OCA2: variants seen among roughly 807,000 people sequenced by gnomAD.
OCA2 encodes the protein P protein.
A neutral mutation model predicts 100.2 loss-of-function variants in OCA2; 77 were observed. The ratio of observed to expected loss-of-function variants is 0.77; its 90% CI spans 0.64 to 0.93. The LOEUF is 0.93. Among genes scored for constraint, OCA2 ranks in the 40% least tolerant of loss-of-function variants. OCA2 has a pLI of 0.00. For missense variants in OCA2, 1,062 were observed against 1,089.1 expected, an observed-to-expected ratio of 0.98 and a Z score of 0.35; for synonymous variants, 432 against 439.2, an observed-to-expected ratio of 0.98 and a Z score of 0.21.
intron 18 of OCA2, among the ~76,000 whole-genome samples, chr15:27,949,243 G>A (rs942404378): frequency 2.0e-5 from 3 of 152,200 alleles, no homozygotes; most frequent in African/African-American, 7.2e-5. Flanking sequence ...GTCACGTAGT[G>A]TACAGTGTGT....
At chr15:27,893,287 A>G (rs1275040413) in intron 19 of OCA2, among the ~76,000 whole-genome samples, 3 of 152,218 alleles carry the variant, frequency 2.0e-5, no homozygotes, top group Non-Finnish European at 4.4e-5. Context: ...CTGAGGATGT[A>G]CGTCACCTCA....
intron 23 of OCA2, among the ~76,000 whole-genome samples, chr15:27,804,230 GAGA>G (rs1331176541): frequency 1.5e-4 from 23 of 152,210 alleles, no homozygotes; most frequent in Admixed American, 6.5e-5. Flanking sequence ...CAGGAATTGT[GAGA>G]AGAACAGCAA....
intron 6 of OCA2, among the ~76,000 whole-genome samples, chr15:28,018,795 C>A (rs566648228): frequency 6.6e-6 from 1 of 152,282 alleles, no homozygotes; most frequent in Admixed American, 6.5e-5. Context: ...AGGTGCCCCC[C>A]ACACCAGGGA....
intron 23 of OCA2, among the ~76,000 whole-genome samples, chr15:27,822,296 T>G (rs1333420701): frequency 6.6e-6 from 1 of 152,232 alleles, no homozygotes; most frequent in East Asian, 1.9e-4. Context: ...ATATATGCAC[T>G]TTTTTGTGTC....
the OCA2 span, among the ~76,000 whole-genome samples, chr15:27,744,690 C>T: frequency 3.9e-5 from 6 of 152,194 alleles, no homozygotes; most frequent in African/African-American, 1.4e-4. Flanking sequence ...TGCTGTTCGA[C>T]TTATGATTGA....
chr15:27,928,693 C>T (rs1312614724), intron 18 of OCA2, among the ~76,000 whole-genome samples: 1 of 152,220 alleles, frequency 6.6e-6, no homozygotes, highest in Non-Finnish European at 1.5e-5. Flanking sequence ...CACCCACATT[C>T]CCAGCCTCAT....
intron 15 of OCA2, among the ~76,000 whole-genome samples, chr15:27,958,223 C>T (rs915377206): frequency 5.9e-5 from 9 of 152,198 alleles, no homozygotes; most frequent in Non-Finnish European, 1.0e-4. Flanking sequence ...ATCACGAAAG[C>T]GAAGTAATGC....
the OCA2 span, among the ~76,000 whole-genome samples, chr15:27,739,446 T>C: frequency 7.3e-5 from 5 of 68,786 alleles, no homozygotes; most frequent in African/African-American, 1.1e-4. Context: ...CTTTCTTTTT[T>C]TTTTTTTTTT....
At chr15:28,081,962 A>T (rs2044647745) in intron 1 of OCA2, 67 bp from the exon 2 acceptor site, 1 of 1,287,870 alleles carries the variant, frequency 7.8e-7, no homozygotes. Flanking sequence ...GCACCTTGGG[A>T]GTCCGTACAA....
chr15:27,918,198 A>G (rs1173119701), intron 19 of OCA2, among the ~76,000 whole-genome samples: 1 of 145,966 alleles, frequency 6.9e-6, no homozygotes, highest in East Asian at 2.1e-4. Context: ...GATTCAAGTG[A>G]TTCTCCTGTC....
At chr15:27,989,856 A>G (rs1173449253) in intron 10 of OCA2, among the ~76,000 whole-genome samples, 190 bp from the exon 11 acceptor site, 1 of 152,102 alleles carries the variant, frequency 6.6e-6, no homozygotes, top group African/African-American at 2.4e-5. Context: ...GGCATCTATA[A>G]TGTCAAATCT....
At chr15:27,950,678 T>A (rs1389534777) in intron 18 of OCA2, 3 of 316,278 alleles carry the variant, frequency 9.5e-6, no homozygotes, top group Non-Finnish European at 1.9e-5. Context: ...TGTGAGAATC[T>A]AGAAATGCGG....
chr15:27,790,051 T>C (rs886625762), intron 23 of OCA2, among the ~76,000 whole-genome samples: 2 of 152,190 alleles, frequency 1.3e-5, no homozygotes, highest in Non-Finnish European at 2.9e-5. Context: ...AAGGACTTAA[T>C]ATTCTGAAAA....
chr15:27,727,777 C>A, the OCA2 span, among the ~76,000 whole-genome samples: 1 of 152,208 alleles, frequency 6.6e-6, no homozygotes, highest in African/African-American at 2.4e-5. Context: ...GCAGGCACCA[C>A]CACAGGGGAG....
chr15:27,821,240 CAGTG>C, intron 23 of OCA2, among the ~76,000 whole-genome samples: 1 of 152,180 alleles, frequency 6.6e-6, no homozygotes, highest in African/African-American at 2.4e-5. Flanking sequence ...ATTTTACCCA[CAGTG>C]AGTAAGACTA....
intron 23 of OCA2, among the ~76,000 whole-genome samples, chr15:27,791,485 A>T (rs1320886193): frequency 6.6e-6 from 1 of 152,174 alleles, no homozygotes; most frequent in Non-Finnish European, 1.5e-5. Flanking sequence ...AGTGGTGGCC[A>T]GTGGTTGCTC....
chr15:27,929,560 C>T (rs562176655), intron 18 of OCA2, among the ~76,000 whole-genome samples: 2 of 152,106 alleles, frequency 1.3e-5, no homozygotes, highest in South Asian at 4.1e-4. Flanking sequence ...AGGAAAAAAT[C>T]TCTGACCCTG....
chr15:27,913,879 GAA>G lies in OCA2; in HGVS notation c.2079+12246_2079+12247del, dbSNP rs1567098092. Among the ~76,000 whole-genome samples the G allele has an allele frequency of 4.9e-4, 26 of 52,850 alleles. 1 individual carries two copies. The highest frequency in any genetic ancestry group is 2.3e-3 in the African/African-American group (24 of 10,538). 34.7% of individuals were successfully genotyped at this position (52,850 alleles called of 152,430 possible). On this transcript the variant is annotated intron_variant, in intron 19 of 23. Transcript: ENST00000354638. The stretch of plus-strand genomic sequence containing the variant: ...AGAAAGAAAGAAAGAAAGAAAGAAA[GAA>G]AGAAAGAAAGAAAGCAAGCAAGCAA...
At chr15:27,788,357 A>G (rs1390622589) in intron 23 of OCA2, among the ~76,000 whole-genome samples, 1 of 152,090 alleles carries the variant, frequency 6.6e-6, no homozygotes, top group African/African-American at 2.4e-5. Flanking sequence ...TTCTTCATAC[A>G]TTTAGGGATT....
Sources: allele counts gnomAD v4.1 joint callset (sites outside exome capture counted in the v4.1 genomes callset), GRCh38; gene constraint gnomAD v4.1.1; transcripts MANE v1.5; gene names NCBI Gene and HGNC (gene_info 2026-07-23, HGNC 2026-07-21).